The following TCF7L2 variants were observed in gnomAD, a reference collection of about 807,000 sequenced individuals.
TCF7L2 encodes the protein transcription factor 7-like 2.
A neutral mutation model predicts 77.9 loss-of-function variants in TCF7L2; 23 were observed. The ratio of observed to expected loss-of-function variants is 0.30; its 90% confidence interval spans 0.21 to 0.42. The LOEUF is 0.42. Among genes scored for constraint, TCF7L2 ranks in the 10% least tolerant of loss-of-function variants. The pLI is 1.00. For missense variants in TCF7L2, 654 were observed against 793.1 expected, an observed-to-expected ratio of 0.82 and a Z score of 2.11; for synonymous variants, 413 against 340.2, an observed-to-expected ratio of 1.21 and a Z score of -2.36.
intron 5 of TCF7L2, among the ~76,000 whole-genome samples, chr10:113,043,464 A>G (rs947392805): frequency 1.3e-5 from 2 of 152,234 alleles, no homozygotes; most frequent in Admixed American, 6.5e-5. Context: ...TAATCCAGTG[A>G]TTCCTAATCT....
At chr10:113,117,484 G>A (rs573384998) in intron 5 of TCF7L2, among the ~76,000 whole-genome samples, 3 of 133,888 alleles carry the variant, frequency 2.2e-5, no homozygotes, top group East Asian at 2.6e-4. Context: ...TATAGCTAAC[G>A]TAATAGAAAT....
At chr10:113,029,588 G>A (rs1056004378) in intron 4 of TCF7L2, among the ~76,000 whole-genome samples, 9 of 149,262 alleles carry the variant, frequency 6.0e-5, no homozygotes, top group South Asian at 2.1e-4. Flanking sequence ...GTGCAATGGC[G>A]TGATCTCGGC....
At chr10:112,964,819 G>GTGAT (rs1357611116) in intron 4 of TCF7L2, among the ~76,000 whole-genome samples, 195 bp downstream of exon 4, 125 of 138,520 alleles carry the variant, frequency 9.0e-4, no homozygotes, top group East Asian at 1.6e-3. Flanking sequence ...TGGTGGGGGG[G>GTGAT]GGTTGAATCA....
chr10:113,070,943 T>C (rs1405118624), intron 5 of TCF7L2, among the ~76,000 whole-genome samples: 1 of 152,210 alleles, frequency 6.6e-6, no homozygotes, highest in Non-Finnish European at 1.5e-5. Context: ...CTCCCCATTT[T>C]CCCTAAGTCC....
intron 5 of TCF7L2, among the ~76,000 whole-genome samples, chr10:113,111,602 G>T (rs779198178): frequency 6.6e-6 from 1 of 152,122 alleles, no homozygotes; most frequent in Non-Finnish European, 1.5e-5. Flanking sequence ...GACCAGCCTG[G>T]GCAGCATGGT....
intron 10 of TCF7L2, 117 bp downstream of exon 10, chr10:113,152,001 G>A (rs894516096): frequency 2.1e-6 from 3 of 1,399,534 alleles, no homozygotes; most frequent in Non-Finnish European, 1.9e-6. Flanking sequence ...TTGCCCTTCA[G>A]CCACATTCTG....
intron 5 of TCF7L2, among the ~76,000 whole-genome samples, chr10:113,059,056 A>G (rs1175417298): frequency 6.6e-6 from 1 of 152,178 alleles, no homozygotes; most frequent in Non-Finnish European, 1.5e-5. Flanking sequence ...TAAAAAGAGT[A>G]GGAAAGTGGT....
At chr10:112,969,240 T>C (rs1346054455) in intron 4 of TCF7L2, among the ~76,000 whole-genome samples, 4 of 152,342 alleles carry the variant, frequency 2.6e-5, no homozygotes, top group South Asian at 2.1e-4. Context: ...TGGAATCTTA[T>C]AGAATGTACT....
intron 11 of TCF7L2, among the ~76,000 whole-genome samples, chr10:113,157,031 T>A (rs146964857): frequency 2.0e-5 from 3 of 152,356 alleles, no homozygotes; most frequent in Non-Finnish European, 4.4e-5. Flanking sequence ...GGAGGAGTGG[T>A]ATCATCCTCA....
intron 5 of TCF7L2, among the ~76,000 whole-genome samples, chr10:113,063,406 A>T (rs1370554002): frequency 3.9e-5 from 6 of 152,142 alleles, no homozygotes; most frequent in Non-Finnish European, 8.8e-5. Context: ...GTGTCCTCCC[A>T]GTTTCTTAAA....
At chr10:112,990,337 A>T (rs1458226253) in intron 4 of TCF7L2, among the ~76,000 whole-genome samples, 1 of 151,958 alleles carries the variant, frequency 6.6e-6, no homozygotes, top group South Asian at 2.1e-4. Flanking sequence ...TTCTCCCCCA[A>T]CCTTTTCCCC....
rs779491224 is a variant in TCF7L2 at position 113,165,887 on chromosome 10, C to T, written c.1724C>T (p.Pro575Leu). 15 of 1,603,448 alleles carry T rather than the reference C, an allele frequency of 9.4e-6. No individual in the cohort carries two copies. The highest frequency in any genetic ancestry group is 1.7e-4 in the Middle Eastern group (1 of 5,980). Residue 575 changes from proline (P) to leucine (L), a missense_variant, in exon 14 of 14, where the codon CCG (proline) becomes CTG (leucine). Around this residue, in one of 6 missense-constraint regions of TCF7L2, gnomAD observed 272 missense variants for 215.4 expected, o/e 1.26. Coordinates refer to ENST00000627217, the MANE Select transcript of TCF7L2 (RefSeq NM_001146274.2). ...GCCCCCTCCTCATCAATTGCACAGC[C>T]GTCGACTTCTTCCTTACATTCCCAC...
At chr10:113,138,239 C>A (rs764565201) in intron 5 of TCF7L2, among the ~76,000 whole-genome samples, 1 of 151,250 alleles carries the variant, frequency 6.6e-6, no homozygotes, top group Admixed American at 6.6e-5. Flanking sequence ...TTCCAGTTCC[C>A]TGCCACCCCC....
chr10:113,159,341 C>A (rs575156272), intron 12 of TCF7L2, among the ~76,000 whole-genome samples: 2 of 151,988 alleles, frequency 1.3e-5, no homozygotes, highest in Non-Finnish European at 2.9e-5. Context: ...AAAAAAAAGA[C>A]GAACGTTCCA....
chr10:113,081,438 C>T (rs1438332536), intron 5 of TCF7L2, among the ~76,000 whole-genome samples: 2 of 152,288 alleles, frequency 1.3e-5, no homozygotes, highest in South Asian at 2.1e-4. Flanking sequence ...TGCTTGAACC[C>T]GAGCTTCTGC....
chr10:113,025,519 A>T (rs4309084), intron 4 of TCF7L2, among the ~76,000 whole-genome samples: 1 of 151,912 alleles, frequency 6.6e-6, no homozygotes, highest in Non-Finnish European at 1.5e-5. Flanking sequence ...GATTATAGGC[A>T]TGAGCCACCG....
At chr10:112,971,672 G>T (rs1334916680) in intron 4 of TCF7L2, among the ~76,000 whole-genome samples, 3 of 151,126 alleles carry the variant, frequency 2.0e-5, no homozygotes, top group South Asian at 2.1e-4. Flanking sequence ...GAATGCAGTG[G>T]CGTGATGTCG....
intron 13 of TCF7L2, among the ~76,000 whole-genome samples, chr10:113,164,712 C>G (rs1057281155): frequency 2.6e-5 from 4 of 152,104 alleles, no homozygotes; most frequent in Non-Finnish European, 5.9e-5. Context: ...CTTCCCCCTC[C>G]CCCACCTTTG....
At chr10:113,163,268 C>T (rs893262596) in intron 13 of TCF7L2, among the ~76,000 whole-genome samples, 9 of 152,146 alleles carry the variant, frequency 5.9e-5, no homozygotes. Flanking sequence ...TAGCTTGCCA[C>T]ACAAGGTTTC....
Sources: gnomAD v4.1 joint callset for allele counts (sites outside exome capture counted in the v4.1 genomes callset) on GRCh38, gnomAD v4.1.1 for gene constraint, gnomAD v4.1.1 regional missense constraint, MANE v1.5 for transcripts, NCBI Gene and HGNC (gene_info 2026-07-23, HGNC 2026-07-21) for gene names.